The following RNF19A variants were observed in gnomAD, a reference collection of about 807,000 sequenced individuals.
The protein encoded by RNF19A is E3 ubiquitin-protein ligase RNF19A.
RNF19A carries 32 observed loss-of-function variants against 75.7 expected under a neutral mutation model. That is an observed-to-expected ratio of 0.42 (90% CI 0.32 to 0.57). RNF19A has a LOEUF of 0.57. RNF19A is among the 20% of genes least tolerant of loss of function. The probability of loss-of-function intolerance (pLI) is 0.10; values close to 1 mark genes in which losing one functional copy is unlikely to be tolerated. For synonymous variants in RNF19A, 335 were observed against 345.2 expected, an observed-to-expected ratio of 0.97 and a Z score of 0.33; for missense variants, 782 against 1,036.3, an observed-to-expected ratio of 0.75 and a Z score of 3.37.
At chr8:100,308,514 C>G (rs1467259669) in intron 1 of RNF19A, among the ~76,000 whole-genome samples, 1 of 152,072 alleles carries the variant, frequency 6.6e-6, no homozygotes, top group African/African-American at 2.4e-5. Context: ...AACAGGCAAA[C>G]AGGGTAATGG....
chr8:100,281,346 T>C (rs937489687), intron 2 of RNF19A, among the ~76,000 whole-genome samples: 2 of 152,222 alleles, frequency 1.3e-5, no homozygotes, highest in African/African-American at 4.8e-5. Flanking sequence ...TTTTCTATTA[T>C]AGGATTTGCT....
chr8:100,301,469 C>T (rs1821824714), intron 1 of RNF19A, among the ~76,000 whole-genome samples: 2 of 152,168 alleles, frequency 1.3e-5, no homozygotes, highest in Non-Finnish European at 1.5e-5. Context: ...ACAGTGCAAC[C>T]TCAGTTTCTC....
In RNF19A at chr8:100,332,291, TC is replaced by T. The variant is rs1330921407; in HGVS notation, c.-243+3816del. Among the ~76,000 whole-genome samples, 1 of 151,888 alleles carries T rather than the reference TC, an allele frequency of 6.6e-6. No homozygotes were observed. The highest frequency in any genetic ancestry group is 1.5e-5 in the Non-Finnish European group (1 of 67,978). ...AAGTGATTGGGTCATGGTGGTAATT[TC>T]CCCCATGTTGTTCTCATGATAGTGA... On this transcript the variant is annotated intron_variant, in intron 1 of 3. Coordinates refer to the RNF19A transcript ENST00000519527. The surrounding 1 kb of genome is among the most constrained non-coding windows in gnomAD (Gnocchi z 4.8).
intron 1 of RNF19A, among the ~76,000 whole-genome samples, chr8:100,320,865 T>G (rs1374587902): frequency 6.6e-6 from 1 of 152,236 alleles, no homozygotes; most frequent in East Asian, 1.9e-4. Flanking sequence ...TGGTTTCCTA[T>G]TATATAAAAG....
In RNF19A at chr8:100,324,279, G is replaced by A. The variant is rs975762749; in HGVS notation, c.-242-10907C>T. Among the ~76,000 whole-genome samples, 46 of 152,148 alleles carry A rather than the reference G, an allele frequency of 3.0e-4. 1 individual carries two copies. Among genetic ancestry groups the A allele is most frequent in the Admixed American group, 2.4e-3 (37 of 15,260 alleles). ...ATAATTTAGTGGCAAGCATTTTGGGGTATAGAAACAATACTTGAGACTATT... is the reference window on the plus strand; with the variant it reads ...ATAATTTAGTGGCAAGCATTTTGGGATATAGAAACAATACTTGAGACTATT... On this transcript the variant is annotated intron_variant, in intron 1 of 3. Transcript: ENST00000519527. The surrounding 1 kb of genome is among the most constrained non-coding windows in gnomAD (Gnocchi z 4.2).
At chr8:100,299,509 C>T (rs1020707818) in intron 1 of RNF19A, among the ~76,000 whole-genome samples, 2 of 152,122 alleles carry the variant, frequency 1.3e-5, no homozygotes, top group Non-Finnish European at 2.9e-5. Flanking sequence ...CCTGTAATCC[C>T]GGCGCTTTGG....
intron 1 of RNF19A, among the ~76,000 whole-genome samples, chr8:100,335,877 G>A (rs1431516756): frequency 2.6e-5 from 4 of 152,202 alleles, no homozygotes; most frequent in African/African-American, 7.2e-5. Flanking sequence ...CCTCAGCCAC[G>A]GCTGATTGGG....
chr8:100,306,328 T>G (rs188605405), intron 1 of RNF19A, among the ~76,000 whole-genome samples: 90 of 152,330 alleles, frequency 5.9e-4, no homozygotes, highest in Admixed American at 2.7e-3. Context: ...TGAACACTTC[T>G]GTCATATTGA....
intron 1 of RNF19A, among the ~76,000 whole-genome samples, chr8:100,326,011 A>G (rs1447875781): frequency 6.6e-6 from 1 of 152,222 alleles, no homozygotes; most frequent in African/African-American, 2.4e-5. Flanking sequence ...CTACAAAGCT[A>G]TATGCTATCT....
intron 1 of RNF19A, among the ~76,000 whole-genome samples, chr8:100,294,484 C>G (rs998227067): frequency 2.0e-5 from 3 of 152,150 alleles, no homozygotes; most frequent in Non-Finnish European, 2.9e-5. Flanking sequence ...TAGGGGACAT[C>G]TAGATATCTG....
At position 100,264,717 on chromosome 8, in the gene RNF19A, T is replaced by A. The variant is rs1819888880; in HGVS notation, c.1260A>T (p.Val420=). 1.9e-6 allele frequency: 3 copies of A among 1,613,788 alleles called. No individual in the cohort carries two copies. The highest frequency in any genetic ancestry group is 2.5e-6 in the Non-Finnish European group (3 of 1,179,726). ...HKRNLAIAGG[V]TLSVIVSPVV... ...CTGGAGACACGATTACAGACAACGT[T>A]ACACCACCTGCTATGGCCAAATTCC... Residue 420 remains valine (V), a synonymous_variant, in exon 6 of 10, where the codon GTA becomes GTT. Transcript: ENST00000341084. This position sits in a 1 kb window ranked among gnomAD's most constrained non-coding sequence, Gnocchi z 4.7.
At chr8:100,315,899 A>G (rs1477169267) in intron 1 of RNF19A, among the ~76,000 whole-genome samples, 2 of 152,230 alleles carry the variant, frequency 1.3e-5, no homozygotes. Flanking sequence ...CTAGTTTTCC[A>G]CAAGCTCTCC....
Position 100,331,445 on chromosome 8 carries a change from G to A in RNF19A, c.-243+4663C>T, listed in dbSNP as rs867814304. ...GAGCCCAGGAGTTTGGGACCAGCCT[G>A]GACAACATGGTGAAACTCCATCTCT... On this transcript the variant is annotated intron_variant, in intron 1 of 3. Coordinates refer to the RNF19A transcript ENST00000519527. The surrounding 1 kb of genome is among the most constrained non-coding windows in gnomAD (Gnocchi z 5.2). Among the ~76,000 whole-genome samples, 1 of 152,240 alleles carries A rather than the reference G, an allele frequency of 6.6e-6. No homozygotes were observed. The highest frequency in any genetic ancestry group is 6.5e-5 in the Admixed American group (1 of 15,294).
At chr8:100,297,743 T>C (rs1821636195) in intron 1 of RNF19A, among the ~76,000 whole-genome samples, 1 of 152,230 alleles carries the variant, frequency 6.6e-6, no homozygotes. Context: ...ATTGTTATTG[T>C]GTTCCACCAT....
Position 100,259,023 on chromosome 8 carries a change from T to G in RNF19A, c.2050A>C (p.Met684Leu), listed in dbSNP as rs1563828982. ...KSGKLRKKGN[M>L]KINETREDMD... is the part of the protein sequence containing the mutation. ...TCCTCTCTCGTCTCATTTATCTTCA[T>G]GTTACCCTTTTTCCTCAGTTTACCA... is the stretch of plus-strand genomic sequence containing the variant. The change falls in exon 10 of 10, where the codon ATG (methionine) becomes CTG (leucine). Residue 684 changes from methionine (M) to leucine (L), a missense_variant. Transcript: ENST00000341084. This position sits in a 1 kb window ranked among gnomAD's most constrained non-coding sequence, Gnocchi z 4.5. 1.9e-6 allele frequency: 3 copies of G among 1,614,254 alleles called. No individual in the cohort carries two copies. The highest frequency in any genetic ancestry group is 2.7e-5 in the African/African-American group (2 of 75,064).
intron 1 of RNF19A, among the ~76,000 whole-genome samples, chr8:100,302,528 G>A (rs978597529): frequency 2.6e-5 from 4 of 152,184 alleles, no homozygotes; most frequent in South Asian, 2.1e-4. Context: ...CCAAACACCC[G>A]TTTGACAAGC....
rs1821069551 is a variant in RNF19A, at chr8:100,287,302, C to T, written c.674+199G>A. On this transcript the variant is annotated intron_variant, in intron 2 of 9. Coordinates refer to ENST00000341084, the MANE Select transcript of RNF19A (RefSeq NM_183419.4). This position sits in a 1 kb window ranked among gnomAD's most constrained non-coding sequence, Gnocchi z 4.1. Reference sequence around the variant, plus strand: ...CTAAAAGTGCTCAGTGAGTATGTAACGCAGAGACGATATAGAAATGAGTAA... The same window carrying T: ...CTAAAAGTGCTCAGTGAGTATGTAATGCAGAGACGATATAGAAATGAGTAA... 1.3e-5 allele frequency among the ~76,000 whole-genome samples: 2 copies of T among 152,086 alleles called. No individual in the cohort carries two copies. The highest frequency in any genetic ancestry group is 2.4e-5 in the African/African-American group (1 of 41,406).
chr8:100,296,103 T>C (rs1821546996), intron 1 of RNF19A, among the ~76,000 whole-genome samples: 1 of 152,170 alleles, frequency 6.6e-6, no homozygotes, highest in African/African-American at 2.4e-5. Context: ...TTTTTTTCTT[T>C]TTTTCCTTTT....
At position 100,261,526 on chromosome 8, in the gene RNF19A, A is replaced by G. The variant is rs371393884; in HGVS notation, c.1682+16T>C. ...AGTTACCAGAAAGCAGAACCAAACCAAACCAAAACACACACCTGTTAAAAC... is the reference window on the plus strand; with the variant it reads ...AGTTACCAGAAAGCAGAACCAAACCGAACCAAAACACACACCTGTTAAAAC... On this transcript the variant is annotated intron_variant, in intron 8 of 9. Coordinates refer to ENST00000341084, the MANE Select transcript of RNF19A (RefSeq NM_183419.4). The surrounding 1 kb of genome is among the most constrained non-coding windows in gnomAD (Gnocchi z 4.4). 2.3e-5 allele frequency: 37 copies of G among 1,611,808 alleles called. No homozygotes were observed. The highest frequency in any genetic ancestry group is 3.1e-5 in the Non-Finnish European group (37 of 1,178,174).
Sources: gnomAD v4.1 joint callset for allele counts (sites outside exome capture counted in the v4.1 genomes callset) on GRCh38, gnomAD v4.1.1 for gene constraint, Gnocchi (gnomAD v3.1) non-coding constraint, MANE v1.5 for transcripts, NCBI Gene and HGNC (gene_info 2026-07-23, HGNC 2026-07-21) for gene names.